The following DEPDC1B variants were observed in gnomAD, a reference collection of about 807,000 sequenced individuals.
DEPDC1B encodes the protein DEP domain-containing protein 1B.
Under a neutral mutation model 66.5 loss-of-function variants are expected in DEPDC1B, and 51 were observed. The ratio of observed to expected loss-of-function variants is 0.77; its 90% confidence interval spans 0.61 to 0.97. DEPDC1B has a LOEUF of 0.97. DEPDC1B is among the 50% of genes least tolerant of loss of function. The pLI is 0.00. For synonymous variants in DEPDC1B, 226 were observed against 223.6 expected, an observed-to-expected ratio of 1.01 and a Z score of -0.10; for missense variants, 552 against 637.1, an observed-to-expected ratio of 0.87 and a Z score of 1.44.
intron 7 of DEPDC1B, among the ~76,000 whole-genome samples, chr5:60,610,084 AT>A (rs1216286350): frequency 6.6e-6 from 1 of 152,192 alleles, no homozygotes; most frequent in Non-Finnish European, 1.5e-5. Context: ...GGCTAGAAAA[AT>A]ACCTGGTACA....
intron 1 of DEPDC1B, 120 bp from the exon 2 acceptor site, chr5:60,687,347 G>A (rs945191728): frequency 5.6e-6 from 7 of 1,244,122 alleles, no homozygotes; most frequent in Non-Finnish European, 7.7e-6. Flanking sequence ...ATAACAGGTA[G>A]AGCCTTGAAA....
chr5:60,676,285 C>G (rs1754158840), intron 2 of DEPDC1B, among the ~76,000 whole-genome samples: 1 of 150,960 alleles, frequency 6.6e-6, no homozygotes, highest in Admixed American at 6.6e-5. Context: ...CCCAGGCTGG[C>G]CTTAAAAATC....
chr5:60,645,724 G>T, intron 3 of DEPDC1B, 105 bp from the exon 4 acceptor site: 3 of 1,232,910 alleles, frequency 2.4e-6, no homozygotes, highest in South Asian at 1.9e-5. Context: ...AAATGTCTTT[G>T]ATTTGGTTAC....
intron 2 of DEPDC1B, among the ~76,000 whole-genome samples, chr5:60,661,538 T>G (rs1029641612): frequency 6.6e-6 from 1 of 152,198 alleles, no homozygotes; most frequent in Non-Finnish European, 1.5e-5. Flanking sequence ...CATGTACCTT[T>G]TTCCCTCTCA....
chr5:60,623,992 A>G (rs1268230692), intron 7 of DEPDC1B, among the ~76,000 whole-genome samples: 2 of 151,938 alleles, frequency 1.3e-5, no homozygotes, highest in Non-Finnish European at 2.9e-5. Context: ...CACTTATTTC[A>G]TTTTCATGCC....
At chr5:60,647,672 AT>A (rs1337666634) in intron 2 of DEPDC1B, 139 bp from the exon 3 acceptor site, 2 of 941,498 alleles carry the variant, frequency 2.1e-6, no homozygotes, top group African/African-American at 1.7e-5. Context: ...ATAAATTTTA[AT>A]TTTTTAAACT....
intron 2 of DEPDC1B, among the ~76,000 whole-genome samples, chr5:60,668,037 TTA>T (rs1183361441): frequency 3.1e-4 from 23 of 75,114 alleles, no homozygotes; most frequent in African/African-American, 1.4e-3. Context: ...AATGGATATT[TTA>T]TATATATATA....
chr5:60,667,196 G>A (rs1411703255), intron 2 of DEPDC1B, among the ~76,000 whole-genome samples: 1 of 151,980 alleles, frequency 6.6e-6, no homozygotes, highest in Non-Finnish European at 1.5e-5. Flanking sequence ...CTTGTTTTAA[G>A]AAAGGTATTA....
rs564838606 is a variant in DEPDC1B at position 60,622,119 on chromosome 5, AT to A, written c.899-16264del. On this transcript the variant is annotated intron_variant, in intron 7 of 10. Transcript: ENST00000265036. ...TACTACAAAAATGTACCCATTTTAA[AT>A]GTAGAGCTCAGTGAGTTTTGACAAA... Among the ~76,000 whole-genome samples, 29 of 152,196 alleles carry A rather than the reference AT, an allele frequency of 1.9e-4. No individual in the cohort carries two copies. The East Asian group carries it at 5.4e-3, about 28-fold the overall frequency.
At position 60,597,285 on chromosome 5, in the gene DEPDC1B, G is replaced by A. The variant is rs1752114427; in HGVS notation, c.*468C>T. 6.5e-6 allele frequency: 1 copy of A among 153,006 alleles called. No individual in the cohort carries two copies. The highest frequency in any genetic ancestry group is 2.1e-4 in the South Asian group (1 of 4,856). 9.5% of individuals were successfully genotyped at this position (153,006 alleles called of 1,614,324 possible). A position where few individuals can be genotyped will look rare whatever the true frequency, so the allele number is the denominator to read the frequency against. ...GCAATAAAAACTGGAATTTATACAG[G>A]AGAAATGATAATTGGCTACTAAGTC... is the stretch of plus-strand genomic sequence containing the variant. On this transcript the variant is annotated 3_prime_UTR_variant, in exon 11 of 11. Transcript: ENST00000265036.
rs769787500 is a variant in DEPDC1B, at chr5:60,642,886, A to T, written c.710-27T>A. 5.1e-6 allele frequency: 8 copies of T among 1,582,314 alleles called. No individual in the cohort carries two copies. In the Middle Eastern group the frequency reaches 1.0e-3, roughly 201 times the overall value. On this transcript the variant is annotated intron_variant, in intron 5 of 10. Transcript: ENST00000265036. ...TGAAGGAAAAAGAAAATTTGTACTC[A>T]ATTCCATATAACTCAAGACATCATA...
intron 7 of DEPDC1B, among the ~76,000 whole-genome samples, chr5:60,617,732 G>A (rs1327143461): frequency 3.9e-5 from 6 of 152,152 alleles, no homozygotes; most frequent in Non-Finnish European, 8.8e-5. Flanking sequence ...AGATCCACAT[G>A]ACAGAAAGTT....
intron 2 of DEPDC1B, among the ~76,000 whole-genome samples, chr5:60,656,518 T>G (rs1263907352): frequency 6.6e-6 from 1 of 152,084 alleles, no homozygotes; most frequent in African/African-American, 2.4e-5. Context: ...AGTACTGAAG[T>G]CCCCCACTGT....
chr5:60,622,920 C>A (rs911508990), intron 7 of DEPDC1B, among the ~76,000 whole-genome samples: 1 of 152,034 alleles, frequency 6.6e-6, no homozygotes, highest in Non-Finnish European at 1.5e-5. Context: ...ATTTTGTGAG[C>A]TATGTAATGG....
Position 60,644,982 on chromosome 5 carries a change from T to C in DEPDC1B, c.579-107A>G, listed in dbSNP as rs1307991887. On this transcript the variant is annotated intron_variant, in intron 4 of 10. Transcript: ENST00000265036. The stretch of plus-strand genomic sequence containing the variant: ...CTTTATAATGCTTTATTTTCATGCA[T>C]TGCACCCAATCTTTGCGGGGCAAAA... The C allele has an allele frequency of 3.7e-6, 3 of 813,726 alleles. No homozygotes were observed. The African/African-American group carries it at 5.4e-5, about 15-fold the overall frequency. The allele number at this position is 813,726 out of a possible 1,614,324, so 50.4% of individuals were successfully genotyped here.
intron 10 of DEPDC1B, among the ~76,000 whole-genome samples, chr5:60,598,833 A>G (rs1338234667): frequency 1.3e-5 from 2 of 152,194 alleles, no homozygotes; most frequent in African/African-American, 4.8e-5. Flanking sequence ...GACAAATATT[A>G]GAGAATAGCT....
rs754296817 is a variant in DEPDC1B, at chr5:60,687,215, C to T, written c.61G>A (p.Val21Met). The T allele has an allele frequency of 6.9e-5, 111 of 1,609,222 alleles. No individual in the cohort carries two copies. The highest frequency in any genetic ancestry group is 9.2e-5 in the Non-Finnish European group (108 of 1,175,908). Reference protein sequence around the residue: ...YRATRLWNETVELFRAKMPLR... With the variant: ...YRATRLWNETMELFRAKMPLR... ...GGCATCTTAGCACGAAAAAGCTCCACGGTCTCATTCCACTAGGGGAAAGAA... is the reference window on the plus strand; with the variant it reads ...GGCATCTTAGCACGAAAAAGCTCCATGGTCTCATTCCACTAGGGGAAAGAA... Residue 21 changes from valine to methionine, a missense_variant, in exon 2 of 11, where the codon GTG becomes ATG. Physicochemically the swap from Val to Met is conservative, Grantham distance 21. Transcript: ENST00000265036.
At chr5:60,688,682 G>A (rs1754478846) in intron 1 of DEPDC1B, among the ~76,000 whole-genome samples, 1 of 152,150 alleles carries the variant, frequency 6.6e-6, no homozygotes, top group African/African-American at 2.4e-5. Flanking sequence ...GTCTCCATTG[G>A]CCATTAGTCC....
intron 7 of DEPDC1B, among the ~76,000 whole-genome samples, chr5:60,631,739 T>C (rs1447881727): frequency 6.6e-6 from 1 of 152,170 alleles, no homozygotes; most frequent in African/African-American, 2.4e-5. Context: ...TTATAGCTAT[T>C]TTCCTCCTTG....
Sources: allele counts gnomAD v4.1 joint callset (sites outside exome capture counted in the v4.1 genomes callset), GRCh38; gene constraint gnomAD v4.1.1; transcripts MANE v1.5; gene names NCBI Gene and HGNC (gene_info 2026-07-23, HGNC 2026-07-21).